The following MTUS2 variants were observed in gnomAD, a reference collection of about 807,000 sequenced individuals.
The protein encoded by MTUS2 is microtubule associated scaffold protein 2.
In MTUS2, 40 loss-of-function variants were observed where a neutral mutation model predicts 114.1. The ratio of observed to expected loss-of-function variants is 0.35; its 90% CI spans 0.27 to 0.46. MTUS2 has a LOEUF of 0.46. Among genes scored for constraint, MTUS2 ranks in the 20% least tolerant of loss-of-function variants. The pLI is 1.00. For missense variants in MTUS2, 1,679 were observed against 1,705.4 expected (o/e 0.98, Z 0.27); for synonymous variants, 688 against 672.0 (o/e 1.02, Z -0.37).
At chr13:29,090,744 T>C (rs1208645218) in intron 4 of MTUS2, among the ~76,000 whole-genome samples, 2 of 152,226 alleles carry the variant, frequency 1.3e-5, no homozygotes, top group Admixed American at 1.3e-4. Context: ...CTGCTCTCTT[T>C]AGGTCTGGTA....
intron 5 of MTUS2, among the ~76,000 whole-genome samples, chr13:29,248,601 A>G (rs1897010396): frequency 6.6e-6 from 1 of 152,118 alleles, no homozygotes; most frequent in Non-Finnish European, 1.5e-5. Flanking sequence ...CCCCACATGC[A>G]TTAGCTATTT....
intron 3 of MTUS2, among the ~76,000 whole-genome samples, chr13:29,029,056 A>G (rs1166062854): frequency 2.0e-5 from 3 of 152,226 alleles, no homozygotes; most frequent in Non-Finnish European, 2.9e-5. Flanking sequence ...GACTTAGGCA[A>G]TCACTGACGA....
At chr13:29,376,753 T>C (rs1336134737) in intron 8 of MTUS2, among the ~76,000 whole-genome samples, 2 of 152,166 alleles carry the variant, frequency 1.3e-5, no homozygotes, top group Non-Finnish European at 2.9e-5. Context: ...AGCCCAATGT[T>C]ATCTGCTGCT....
intron 2 of MTUS2, among the ~76,000 whole-genome samples, chr13:28,961,294 G>C (rs1883316921): frequency 6.6e-6 from 1 of 152,048 alleles, no homozygotes; most frequent in South Asian, 2.1e-4. Context: ...AGAGAATCTG[G>C]AACAGGATAA....
chr13:29,397,764 C>G (rs1874018090), intron 8 of MTUS2, among the ~76,000 whole-genome samples: 1 of 152,230 alleles, frequency 6.6e-6, no homozygotes, highest in African/African-American at 2.4e-5. Flanking sequence ...TCTCAGAGCT[C>G]TTTATCAACC....
chr13:29,311,342 G>C (rs1398212533), intron 6 of MTUS2, among the ~76,000 whole-genome samples: 3 of 152,172 alleles, frequency 2.0e-5, no homozygotes, highest in African/African-American at 7.2e-5. Context: ...GGTAACAATT[G>C]CATGGATGTT....
At chr13:28,899,819 A>G (rs1879531235) in intron 2 of MTUS2, among the ~76,000 whole-genome samples, 1 of 152,186 alleles carries the variant, frequency 6.6e-6, no homozygotes, top group African/African-American at 2.4e-5. Context: ...TGAACCTGCT[A>G]ACGTTTTGGA....
At chr13:29,290,093 A>T (rs974574246) in intron 6 of MTUS2, among the ~76,000 whole-genome samples, 1 of 152,340 alleles carries the variant, frequency 6.6e-6, no homozygotes, top group East Asian at 1.9e-4. Context: ...ATGCCTGTAC[A>T]ATTCCAAAGT....
intron 5 of MTUS2, among the ~76,000 whole-genome samples, chr13:29,154,624 C>T (rs1892785195): frequency 1.3e-5 from 2 of 152,336 alleles, no homozygotes; most frequent in South Asian, 2.1e-4. Flanking sequence ...TTACTTGATC[C>T]TTCTGCCAGG....
intron 8 of MTUS2, among the ~76,000 whole-genome samples, chr13:29,373,379 AGG>A (rs995273191): frequency 3.9e-5 from 6 of 152,200 alleles, no homozygotes; most frequent in African/African-American, 1.4e-4. Context: ...TGCATAGAGC[AGG>A]GTAACTAAAG....
At chr13:29,464,213 G>A (rs145230785) in intron 9 of MTUS2, among the ~76,000 whole-genome samples, 443 of 152,368 alleles carry the variant, frequency 2.9e-3, no homozygotes, top group African/African-American at 0.01. Context: ...CCTGAGAGCA[G>A]AAAGGGATCA....
chr13:29,470,543 C>G (rs1880209206), intron 9 of MTUS2, among the ~76,000 whole-genome samples: 1 of 152,246 alleles, frequency 6.6e-6, no homozygotes. Context: ...CAAACACATT[C>G]TCCTCACTGA....
intron 2 of MTUS2, among the ~76,000 whole-genome samples, chr13:28,937,879 C>G (rs1237731828): frequency 6.6e-6 from 1 of 152,116 alleles, no homozygotes; most frequent in Non-Finnish European, 1.5e-5. Context: ...AAGGAAGACA[C>G]TGAGCCTAAT....
At chr13:29,343,799 C>G (rs76211791) in intron 7 of MTUS2, among the ~76,000 whole-genome samples, 11,584 of 152,008 alleles carry the variant, frequency 0.076, 1,409 homozygotes, top group African/African-American at 0.26. Context: ...TCCAAACTTT[C>G]TTTCCTTGTA....
At chr13:29,233,426 C>T (rs973464471) in intron 5 of MTUS2, among the ~76,000 whole-genome samples, 16 of 152,018 alleles carry the variant, frequency 1.1e-4, no homozygotes, top group African/African-American at 2.2e-4. Context: ...GAAGTCTACC[C>T]GGAAGTATAA....
chr13:29,449,438 T>C (rs903473301), intron 9 of MTUS2, among the ~76,000 whole-genome samples: 3 of 152,234 alleles, frequency 2.0e-5, no homozygotes, highest in African/African-American at 7.2e-5. Flanking sequence ...TAATCTCTTA[T>C]AGTTACACAG....
chr13:29,124,346 A>G (rs1891429600), intron 5 of MTUS2, among the ~76,000 whole-genome samples: 1 of 152,240 alleles, frequency 6.6e-6, no homozygotes, highest in Admixed American at 6.5e-5. Flanking sequence ...TAATACTTAA[A>G]GAAGTAGAGA....
rs952811202 is a variant in MTUS2, at chr13:29,025,657, T to C, written c.959T>C (p.Val320Ala). Residue 320 changes from valine (V) to alanine (A), a missense_variant, in exon 3 of 16, where the codon GTT becomes GCT. By Grantham distance (64) the Val-to-Ala change is moderately conservative (BLOSUM62 0). This residue lies in a region of MTUS2 where 843 missense variants were observed against 770.8 expected (regional missense o/e 1.09). Transcript: ENST00000612955. Reference sequence around the variant, plus strand: ...CTGAAATATGTTCCTCCCAGGAGAGTTGAACAGGAGGGAAAGGCAGCCCAG... The same window carrying C: ...CTGAAATATGTTCCTCCCAGGAGAGCTGAACAGGAGGGAAAGGCAGCCCAG... ...LDLKYVPPRR[V>A]EQEGKAAQEG... The C allele has an allele frequency of 1.9e-6, 3 of 1,613,316 alleles. No individual in the cohort carries two copies. The highest frequency in any genetic ancestry group is 1.6e-4 in the Middle Eastern group (1 of 6,084).
At chr13:29,178,174 C>T (rs1159073764) in intron 5 of MTUS2, among the ~76,000 whole-genome samples, 2 of 152,034 alleles carry the variant, frequency 1.3e-5, no homozygotes, top group South Asian at 2.1e-4. Context: ...GGTCTGATCA[C>T]GTTGAATACC....
Sources: allele counts gnomAD v4.1 joint callset (sites outside exome capture counted in the v4.1 genomes callset), GRCh38; gene constraint gnomAD v4.1.1; regional missense constraint gnomAD v4.1.1; transcripts MANE v1.5; gene names NCBI Gene and HGNC (gene_info 2026-07-23, HGNC 2026-07-21).